GALNTL6: variants seen among roughly 807,000 people sequenced by gnomAD.
GALNTL6 encodes polypeptide N-acetylgalactosaminyltransferase-like 6.
In GALNTL6, 46 loss-of-function variants were observed where a neutral mutation model predicts 73.7. The observed-to-expected ratio is 0.62, with a 90% CI of 0.49 to 0.80. GALNTL6 has a LOEUF of 0.80. GALNTL6 is among the 30% of genes least tolerant of loss of function. GALNTL6 has a pLI of 0.00. For missense variants in GALNTL6, 604 were observed against 755.0 expected, an observed-to-expected ratio of 0.80 and a Z score of 2.34; for synonymous variants, 259 against 263.7, an observed-to-expected ratio of 0.98 and a Z score of 0.17.
rs534978014 is a variant in GALNTL6, at chr4:172,845,785, A to AT, written c.923+32070dup. ...TTTTTACCATCAAGTCAGCAAAGGGATTTTTTTTATGTTAATTCTCAGTAC... is the reference window on the plus strand; with the variant it reads ...TTTTTACCATCAAGTCAGCAAAGGGATTTTTTTTTATGTTAATTCTCAGTAC... On this transcript the variant is annotated intron_variant, in intron 7 of 12. Coordinates refer to ENST00000506823, the MANE Select transcript of GALNTL6 (RefSeq NM_001034845.3). 7.6e-4 allele frequency among the ~76,000 whole-genome samples: 115 copies of AT among 152,114 alleles called. 1 individual carries two copies. In the East Asian group the frequency reaches 0.014, roughly 18 times the overall value.
At chr4:172,442,331 T>C (rs1731864394) in intron 5 of GALNTL6, among the ~76,000 whole-genome samples, 1 of 152,202 alleles carries the variant, frequency 6.6e-6, no homozygotes, top group Admixed American at 6.6e-5. Context: ...ATCACCTGTA[T>C]ATTTGTTTCT....
At chr4:172,242,871 C>T (rs180701802) in intron 3 of GALNTL6, among the ~76,000 whole-genome samples, 17 of 152,346 alleles carry the variant, frequency 1.1e-4, no homozygotes, top group Non-Finnish European at 2.2e-4. Flanking sequence ...CCACCAATGT[C>T]TCCTGCCTAA....
In GALNTL6 at chr4:172,998,416, T is replaced by C. The variant is rs370798042; in HGVS notation, c.1372-10762T>C. ...CAAATGAATTATGTTAGGGCTTATA[T>C]GTAATTCTATTCTCAAATATCCCTA... On this transcript the variant is annotated intron_variant, in intron 10 of 12. Coordinates refer to ENST00000506823, the MANE Select transcript of GALNTL6 (RefSeq NM_001034845.3). Among the ~76,000 whole-genome samples the C allele has an allele frequency of 2.6e-5, 4 of 152,366 alleles. No homozygotes were observed. The East Asian group carries it at 7.7e-4, about 29-fold the overall frequency.
intron 2 of GALNTL6, among the ~76,000 whole-genome samples, chr4:172,009,153 A>T (rs1740925681): frequency 6.6e-6 from 1 of 152,078 alleles, no homozygotes; most frequent in Non-Finnish European, 1.5e-5. Context: ...ATTTCTCTTT[A>T]ATTTTCATAA....
intron 2 of GALNTL6, among the ~76,000 whole-genome samples, chr4:172,018,824 G>A (rs1226432827): frequency 6.6e-6 from 1 of 152,062 alleles, no homozygotes; most frequent in Non-Finnish European, 1.5e-5. Context: ...CTACTTAATT[G>A]TGCTGGCTGC....
chr4:172,903,699 T>A (rs1746742014), intron 8 of GALNTL6, among the ~76,000 whole-genome samples: 1 of 152,132 alleles, frequency 6.6e-6, no homozygotes, highest in African/African-American at 2.4e-5. Flanking sequence ...TCTCTGTGAT[T>A]TCTAGTTTGA....
intron 5 of GALNTL6, among the ~76,000 whole-genome samples, chr4:172,731,601 A>G (rs1449785561): frequency 6.6e-6 from 1 of 151,236 alleles, no homozygotes; most frequent in Non-Finnish European, 1.5e-5. Flanking sequence ...GATTTTATTT[A>G]TTTTTGCTTT....
intron 3 of GALNTL6, among the ~76,000 whole-genome samples, chr4:172,293,188 T>C (rs1414359856): frequency 6.6e-6 from 1 of 152,172 alleles, no homozygotes; most frequent in Non-Finnish European, 1.5e-5. Context: ...ATGAAGAATA[T>C]GTTTATGTTT....
At chr4:171,997,624 A>G (rs1005975029) in intron 2 of GALNTL6, among the ~76,000 whole-genome samples, 4 of 152,150 alleles carry the variant, frequency 2.6e-5, no homozygotes, top group Non-Finnish European at 5.9e-5. Context: ...AGCATCATCC[A>G]TAAAGTTTTA....
At chr4:171,836,106 A>G (rs1323552030) in intron 2 of GALNTL6, among the ~76,000 whole-genome samples, 3 of 152,094 alleles carry the variant, frequency 2.0e-5, no homozygotes, top group Admixed American at 6.6e-5. Flanking sequence ...TACTTCCTCA[A>G]TGCTTTCTCC....
At chr4:172,878,541 T>A (rs528997446) in intron 7 of GALNTL6, among the ~76,000 whole-genome samples, 2 of 151,728 alleles carry the variant, frequency 1.3e-5, no homozygotes, top group Non-Finnish European at 3.0e-5. Context: ...ATATGTGAAG[T>A]GACATAATAT....
chr4:172,786,057 T>C (rs1258627037), intron 5 of GALNTL6, among the ~76,000 whole-genome samples: 1 of 152,070 alleles, frequency 6.6e-6, no homozygotes, highest in Non-Finnish European at 1.5e-5. Flanking sequence ...AAGGGGGAAT[T>C]ATGTGCCTTG....
In GALNTL6 at chr4:172,413,435, A is replaced by G. The variant is rs74715632; in HGVS notation, c.553+64746A>G. On this transcript the variant is annotated intron_variant, in intron 5 of 12. Coordinates refer to ENST00000506823, the MANE Select transcript of GALNTL6 (RefSeq NM_001034845.3). ...TAGCAATGCATAATACTTGAAAGCA[A>G]TTGTTCATAAGCATATGCCATAATA... is the stretch of plus-strand genomic sequence containing the variant. Among the ~76,000 whole-genome samples, 1,258 of 152,330 alleles carry G rather than the reference A, an allele frequency of 8.3e-3. 15 individuals carry two copies. Among genetic ancestry groups the G allele is most frequent in the African/African-American group, 0.029 (1,185 of 41,576 alleles).
chr4:172,710,056 T>A lies in GALNTL6; in HGVS notation c.554-99305T>A, dbSNP rs1320789549. Among the ~76,000 whole-genome samples, 11 of 152,272 alleles carry A rather than the reference T, an allele frequency of 7.2e-5. No individual in the cohort carries two copies. In the East Asian group the frequency reaches 2.1e-3, roughly 29 times the overall value. ...AGTAAACATATGAAAAGCATTAAAC[T>A]TCACTAAAAATTAAAGAGTATAAAT... On this transcript the variant is annotated intron_variant, in intron 5 of 12. Transcript: ENST00000506823.
intron 2 of GALNTL6, among the ~76,000 whole-genome samples, chr4:172,009,961 T>C (rs936686285): frequency 6.6e-6 from 1 of 152,140 alleles, no homozygotes; most frequent in Non-Finnish European, 1.5e-5. Flanking sequence ...GTGTGAATTA[T>C]TTTCTATTCT....
intron 2 of GALNTL6, among the ~76,000 whole-genome samples, chr4:172,202,434 ATAGTGTAATAT>A (rs1735983803): frequency 1.3e-5 from 2 of 152,236 alleles, no homozygotes; most frequent in Non-Finnish European, 2.9e-5. Context: ...AAGTTTTTGG[ATAGTGTAATAT>A]TAGTGTTGAA....
chr4:172,611,794 C>A lies in GALNTL6; in HGVS notation c.554-197567C>A, dbSNP rs1337261891. 2.0e-5 allele frequency among the ~76,000 whole-genome samples: 3 copies of A among 151,968 alleles called. No homozygotes were observed. In the East Asian group the frequency reaches 5.8e-4, roughly 29 times the overall value. ...AAGGCGTTTTGCCATCTTTTATTCCCTGTGAAGTTTTCAAGGGTATATATC... is the reference window on the plus strand; with the variant it reads ...AAGGCGTTTTGCCATCTTTTATTCCATGTGAAGTTTTCAAGGGTATATATC... On this transcript the variant is annotated intron_variant, in intron 5 of 12. Coordinates refer to ENST00000506823, the MANE Select transcript of GALNTL6 (RefSeq NM_001034845.3).
chr4:172,442,207 A>G (rs147573532), intron 5 of GALNTL6, among the ~76,000 whole-genome samples: 273 of 152,202 alleles, frequency 1.8e-3, no homozygotes, highest in African/African-American at 6.2e-3. Flanking sequence ...GTTGACAGCA[A>G]CTTTGTAGGT....
At chr4:172,827,679 T>C (rs1191490307) in intron 7 of GALNTL6, among the ~76,000 whole-genome samples, 2 of 152,086 alleles carry the variant, frequency 1.3e-5, no homozygotes, top group African/African-American at 2.4e-5. Context: ...CTCTGTTTCT[T>C]CGATACTATG....
Sources: allele counts gnomAD v4.1 joint callset (sites outside exome capture counted in the v4.1 genomes callset), GRCh38; gene constraint gnomAD v4.1.1; transcripts MANE v1.5; gene names NCBI Gene and HGNC (gene_info 2026-07-23, HGNC 2026-07-21).